The following ABCG8 variants were observed in gnomAD, a reference collection of about 807,000 sequenced individuals.
ABCG8 encodes the protein ATP-binding cassette sub-family G member 8.
In ABCG8, 81 loss-of-function variants were observed where a neutral mutation model predicts 71.3. The ratio of observed to expected loss-of-function variants is 1.14; its 90% CI spans 0.95 to 1.37. ABCG8 has a LOEUF of 1.37. Ranked by LOEUF, ABCG8 falls within the 40% of genes most tolerant of loss-of-function variation. The probability of loss-of-function intolerance (pLI) is 0.00; values close to 1 mark genes in which losing one functional copy is unlikely to be tolerated. For synonymous variants in ABCG8, 451 were observed against 354.7 expected (o/e 1.27, Z -3.05); for missense variants, 1,119 against 866.2 (o/e 1.29, Z -3.66).
At chr2:43,863,480 A>G (rs1669406925) in intron 6 of ABCG8, among the ~76,000 whole-genome samples, 2 of 151,152 alleles carry the variant, frequency 1.3e-5, no homozygotes, top group African/African-American at 2.4e-5. Context: ...AACTCTCACT[A>G]TCTTTCCGGA....
In ABCG8 at chr2:43,851,783, G is replaced by A; in HGVS notation, c.522G>A (p.Arg174=). Residue 174 remains arginine (R), a synonymous_variant, in exon 4 of 13, where the codon CGG becomes CGA. Coordinates refer to ENST00000272286, the MANE Select transcript of ABCG8 (RefSeq NM_022437.3). Reference sequence around the variant, plus strand: ...CCTTGGCCTTCATTGCCCAGATGCGGCTGCCCAGAACCTTCTCCCAGGCCC... The same window carrying A: ...CCTTGGCCTTCATTGCCCAGATGCGACTGCCCAGAACCTTCTCCCAGGCCC... ...RETLAFIAQM[R]LPRTFSQAQR... 1.2e-6 allele frequency: 2 copies of A among 1,614,200 alleles called. No individual in the cohort carries two copies. Among genetic ancestry groups the A allele is most frequent in the Non-Finnish European group, 1.7e-6 (2 of 1,180,038 alleles).
intron 3 of ABCG8, among the ~76,000 whole-genome samples, chr2:43,849,021 T>TAAAAAAAAAAAAAAAAAA (rs1193216137): frequency 1.8e-5 from 1 of 54,706 alleles, no homozygotes; most frequent in Admixed American, 1.9e-4. Flanking sequence ...AAACACTGTC[T>TAAAAAAAAAAAAAAAAAA]AAAAAAAAAA....
intron 6 of ABCG8, among the ~76,000 whole-genome samples, chr2:43,861,937 T>A (rs140960160): frequency 6.6e-6 from 1 of 151,360 alleles, no homozygotes; most frequent in African/African-American, 2.4e-5. Flanking sequence ...TCTCACTATC[T>A]ACCTCGATAT....
chr2:43,858,849 A>C (rs72796775), intron 6 of ABCG8, among the ~76,000 whole-genome samples: 8,161 of 146,832 alleles, frequency 0.056, 277 homozygotes, highest in Middle Eastern at 0.12. Context: ...GAATTCTCAC[A>C]CTCCGGATAG....
At chr2:43,855,989 A>C (rs1220023716) in intron 6 of ABCG8, among the ~76,000 whole-genome samples, 1 of 151,922 alleles carries the variant, frequency 6.6e-6, no homozygotes, top group African/African-American at 2.4e-5. Flanking sequence ...TAGAATTCTT[A>C]CCATCTGGAT....
chr2:43,872,313 ATC>A lies in ABCG8; in HGVS notation c.1211+9_1211+10del. The A allele has an allele frequency of 6.2e-7, 1 of 1,613,078 alleles. No individual in the cohort carries two copies. Among genetic ancestry groups the A allele is most frequent in the South Asian group, 1.1e-5 (1 of 90,928 alleles). On this transcript the variant is annotated splice_region_variant and intron_variant, in intron 8 of 12. Transcript: ENST00000272286. ...AGTTTACGACGCTGATCCGGTAATTATCTGTCATTTTATTACTGAACCCGCCC... is the reference window on the plus strand; with the variant it reads ...AGTTTACGACGCTGATCCGGTAATTATGTCATTTTATTACTGAACCCGCCC...
chr2:43,855,154 AT>A (rs1279040060), intron 6 of ABCG8, among the ~76,000 whole-genome samples: 6 of 152,256 alleles, frequency 3.9e-5, no homozygotes, highest in African/African-American at 1.2e-4. Context: ...CATTCTCTGG[AT>A]AGAACTCTCA....
chr2:43,874,331 AAG>A, intron 9 of ABCG8, 74 bp from the exon 10 acceptor site: 2 of 1,220,114 alleles, frequency 1.6e-6, no homozygotes, highest in African/African-American at 1.5e-5. Flanking sequence ...GAATTGTATT[AAG>A]AGAGTCTCCA....
intron 6 of ABCG8, among the ~76,000 whole-genome samples, chr2:43,861,515 ACT>A (rs1669318914): frequency 6.7e-6 from 1 of 149,406 alleles, no homozygotes; most frequent in African/African-American, 2.5e-5. Flanking sequence ...TCTGGATAAA[ACT>A]CTATCTGTCT....
In ABCG8 at chr2:43,852,772, AC is replaced by A. The variant is rs1668971083; in HGVS notation, c.873del (p.Ile292SerfsTer3). On this transcript the variant is annotated frameshift_variant, in exon 6 of 13. Coordinates refer to ENST00000272286, the MANE Select transcript of ABCG8 (RefSeq NM_022437.3). LOFTEE classifies it high-confidence loss of function. Reference sequence around the variant, plus strand: ...TCTGGTCCTCCTGATGACGTCTGGCACCCCCATCTACTTAGGGGCGGCCCAG... The same window carrying A: ...TCTGGTCCTCCTGATGACGTCTGGCACCCCATCTACTTAGGGGCGGCCCAG... ...FDLVLLMTSG[T>X]PIYLGAAQHM... The A allele has an allele frequency of 1.2e-6, 2 of 1,613,680 alleles. No homozygotes were observed. Among genetic ancestry groups the A allele is most frequent in the Non-Finnish European group, 1.7e-6 (2 of 1,179,914 alleles).
In ABCG8 at chr2:43,851,658, T is replaced by C. The variant is rs1331186293; in HGVS notation, c.397T>C (p.Trp133Arg). ...CGGCAAGATCAAGTCAGGCCAGATC[T>C]GGATCAATGGGCAGCCCAGCTCGCC... ...HGGKIKSGQI[W>R]INGQPSSPQL... is the part of the protein sequence containing the mutation. The change falls in exon 4 of 13, where the codon TGG becomes CGG. Residue 133 changes from tryptophan (W) to arginine (R), a missense_variant. By Grantham distance (101) the Trp-to-Arg change is moderately radical. Transcript: ENST00000272286. The C allele has an allele frequency of 6.2e-7, 1 of 1,614,224 alleles. No individual in the cohort carries two copies. The highest frequency in any genetic ancestry group is 1.7e-5 in the Admixed American group (1 of 60,026).
intron 3 of ABCG8, among the ~76,000 whole-genome samples, chr2:43,848,937 G>T (rs751212852): frequency 3.3e-5 from 5 of 149,380 alleles, no homozygotes; most frequent in Non-Finnish European, 5.9e-5. Flanking sequence ...TGGGAGAATC[G>T]CTTGAACCCT....
chr2:43,868,813 T>C (rs1426489772), intron 6 of ABCG8, among the ~76,000 whole-genome samples: 1 of 152,148 alleles, frequency 6.6e-6, no homozygotes, highest in Non-Finnish European at 1.5e-5. Context: ...GATAGAACTC[T>C]CACTATCTGG....
intron 3 of ABCG8, chr2:43,846,547 C>T (rs527475151): frequency 1.3e-4 from 70 of 547,022 alleles, no homozygotes; most frequent in East Asian, 6.7e-4. Context: ...CTTGTCCACC[C>T]GAGGCTGTGG....
At chr2:43,870,574 G>A (rs72798835) in intron 6 of ABCG8, among the ~76,000 whole-genome samples, 5 of 146,066 alleles carry the variant, frequency 3.4e-5, no homozygotes, top group South Asian at 2.2e-4. Context: ...TCGCTCCGTC[G>A]TAATAGAACT....
At chr2:43,865,906 T>C (rs1218022230) in intron 6 of ABCG8, among the ~76,000 whole-genome samples, 1 of 152,090 alleles carries the variant, frequency 6.6e-6, no homozygotes, top group African/African-American at 2.4e-5. Context: ...GCTCACTCTG[T>C]GGATAGAACT....
At chr2:43,869,217 C>G (rs572506918) in intron 6 of ABCG8, among the ~76,000 whole-genome samples, 1 of 144,586 alleles carries the variant, frequency 6.9e-6, no homozygotes, top group Admixed American at 6.8e-5. Flanking sequence ...AATTCTTACC[C>G]TCTGGGTTGA....
At chr2:43,869,261 G>C (rs1284233151) in intron 6 of ABCG8, among the ~76,000 whole-genome samples, 2 of 151,602 alleles carry the variant, frequency 1.3e-5, no homozygotes, top group African/African-American at 4.9e-5. Flanking sequence ...CTCACCATGT[G>C]GGTGGAACTC....
rs376761538 is a variant in ABCG8, at chr2:43,846,244, G to T, written c.255G>T (p.Glu85Asp). ...WTSPSCQNSC[E>D]LGIQNLSFKV... ...CTCCCAGCTGCCAGAATTCTTGTGA[G>T]CTGGGCATCCAGAACCTAAGCTTCA... Residue 85 changes from glutamate (E) to aspartate (D), a missense_variant, in exon 3 of 13, where the codon GAG (glutamate) becomes GAT (aspartate). Glu to Asp is a conservative substitution (Grantham distance 45). Coordinates refer to ENST00000272286, the MANE Select transcript of ABCG8 (RefSeq NM_022437.3). 1.7e-5 allele frequency: 27 copies of T among 1,614,068 alleles called. No homozygotes were observed. The highest frequency in any genetic ancestry group is 8.3e-5 in the Admixed American group (5 of 60,014).
Sources: allele counts gnomAD v4.1 joint callset (sites outside exome capture counted in the v4.1 genomes callset), GRCh38; gene constraint gnomAD v4.1.1; transcripts MANE v1.5; gene names NCBI Gene and HGNC (gene_info 2026-07-23, HGNC 2026-07-21).